TEX11: variants seen among roughly 807,000 people sequenced by gnomAD.
TEX11 encodes the protein testis-expressed protein 11.
TEX11 carries 7 observed loss-of-function variants against 84.4 expected under a neutral mutation model. The ratio of observed to expected loss-of-function variants is 0.08; its 90% CI spans 0.05 to 0.16. TEX11 has a LOEUF of 0.16. Among genes scored for constraint, TEX11 ranks in the 10% least tolerant of loss-of-function variants. The pLI is 1.00. For synonymous variants in TEX11, 264 were observed against 222.8 expected, an observed-to-expected ratio of 1.18 and a Z score of -1.64; for missense variants, 551 against 660.5, an observed-to-expected ratio of 0.83 and a Z score of 1.82.
chrX:70,533,978 G>C (rs934362459), intron 28 of TEX11, among the ~76,000 whole-genome samples: 3 of 106,285 alleles, frequency 2.8e-5, no homozygotes, highest in African/African-American at 1.0e-4. Context: ...TGTAGTCCCA[G>C]CTACTGGGGA....
chrX:70,534,518 G>A (rs1218877301), intron 28 of TEX11, among the ~76,000 whole-genome samples: 1 of 111,961 alleles, frequency 8.9e-6, no homozygotes, highest in Non-Finnish European at 1.9e-5. Flanking sequence ...CATCCACACA[G>A]CTACTGACCT....
intron 7 of TEX11, among the ~76,000 whole-genome samples, chrX:70,843,995 G>A (rs1327284173): frequency 7.2e-5 from 8 of 110,986 alleles, no homozygotes; most frequent in Non-Finnish European, 1.1e-4. Context: ...AAATAGGAAT[G>A]CTTTTACACT....
chrX:70,859,580 C>CAAAAAAAAAAAAAAAAA (rs760041212), intron 5 of TEX11, among the ~76,000 whole-genome samples: 1 of 35,057 alleles, frequency 2.9e-5, no homozygotes. Flanking sequence ...AGATCCTGTC[C>CAAAAAAAAAAAAAAAAA]AAAAAAAAAA....
chrX:70,632,545 G>A (rs2089523041), intron 17 of TEX11, among the ~76,000 whole-genome samples: 1 of 110,690 alleles, frequency 9.0e-6, no homozygotes, highest in South Asian at 3.9e-4. Context: ...GGAGGCCAAG[G>A]CTGTAGTGAG....
intron 10 of TEX11, among the ~76,000 whole-genome samples, chrX:70,743,059 T>C (rs1245584159): frequency 9.0e-6 from 1 of 111,717 alleles, no homozygotes; most frequent in Non-Finnish European, 1.9e-5. Flanking sequence ...CCCCTCTCCC[T>C]ACCCCCTAAA....
At chrX:70,570,069 C>T (rs1385232086) in intron 25 of TEX11, among the ~76,000 whole-genome samples, 1 of 112,173 alleles carries the variant, frequency 8.9e-6, no homozygotes, top group Non-Finnish European at 1.9e-5. Context: ...CCAGTTCAAG[C>T]TTCCAGGCTG....
chrX:70,633,287 T>G (rs1489740507), intron 17 of TEX11, among the ~76,000 whole-genome samples: 1 of 111,981 alleles, frequency 8.9e-6, no homozygotes, highest in Non-Finnish European at 1.9e-5. Flanking sequence ...CTGACTATAT[T>G]AACAATTTTT....
chrX:70,847,153 C>T (rs984318352), intron 7 of TEX11, among the ~76,000 whole-genome samples: 2 of 111,379 alleles, frequency 1.8e-5, no homozygotes, highest in Admixed American at 1.9e-4. Context: ...GACATGCCTG[C>T]TCCCCTTCGA....
intron 17 of TEX11, among the ~76,000 whole-genome samples, chrX:70,630,243 C>T (rs745836885): frequency 9.6e-6 from 1 of 103,963 alleles, no homozygotes; most frequent in East Asian, 3.1e-4. Context: ...ACCCGGGAGG[C>T]GGAGCTTGCA....
intron 1 of TEX11, among the ~76,000 whole-genome samples, chrX:70,908,295 TC>T (rs757019455): frequency 1.8e-5 from 2 of 110,512 alleles, no homozygotes; most frequent in Non-Finnish European, 3.8e-5. Flanking sequence ...CCACCACAAC[TC>T]CCCATACTCC....
intron 5 of TEX11, among the ~76,000 whole-genome samples, chrX:70,856,141 T>G (rs1009626434): frequency 6.3e-5 from 7 of 111,840 alleles, no homozygotes; most frequent in Non-Finnish European, 1.3e-4. Flanking sequence ...CAAGGGAGGC[T>G]GGTTGAACAT....
At chrX:70,541,631 G>T (rs764388730) in intron 28 of TEX11, among the ~76,000 whole-genome samples, 1 of 111,446 alleles carries the variant, frequency 9.0e-6, no homozygotes, top group Non-Finnish European at 1.9e-5. Flanking sequence ...GGTGGCATTT[G>T]CCTGTAGTCC....
chrX:70,756,071 G>A (rs1294044039), intron 9 of TEX11, among the ~76,000 whole-genome samples: 1 of 112,103 alleles, frequency 8.9e-6, no homozygotes, highest in Admixed American at 9.4e-5. Context: ...GGCTTGAGTA[G>A]GCGGTTTTGT....
chrX:70,792,315 AATATATATAT>A (rs1556087562), intron 9 of TEX11, among the ~76,000 whole-genome samples: 4 of 14,914 alleles, frequency 2.7e-4, no homozygotes, highest in Non-Finnish European at 3.1e-4. Context: ...AAAAAAAAAA[AATATATATAT>A]ATATATATAT....
intron 2 of TEX11, among the ~76,000 whole-genome samples, chrX:70,885,692 G>A (rs1394571176): frequency 9.1e-6 from 1 of 110,349 alleles, no homozygotes; most frequent in East Asian, 2.8e-4. Flanking sequence ...AGGAGTTCGA[G>A]ACCAGCCTGA....
chrX:70,646,493 C>T (rs771203867), intron 17 of TEX11, among the ~76,000 whole-genome samples: 2 of 111,731 alleles, frequency 1.8e-5, no homozygotes, highest in Non-Finnish European at 3.8e-5. Flanking sequence ...AAGGGGTTAA[C>T]ATCCAAAATA....
At chrX:70,586,478 A>G (rs1259106240) in intron 25 of TEX11, among the ~76,000 whole-genome samples, 17 of 112,037 alleles carry the variant, frequency 1.5e-4, no homozygotes, top group African/African-American at 5.5e-4. Context: ...ACACCAAAAA[A>G]CAACCCAATT....
At chrX:70,621,389 C>T (rs1400888116) in intron 20 of TEX11, among the ~76,000 whole-genome samples, 2 of 101,805 alleles carry the variant, frequency 2.0e-5, no homozygotes, top group African/African-American at 3.6e-5. Flanking sequence ...GGTGTGGTGG[C>T]GGATGCCTGT....
At chrX:70,672,006 C>T (rs1183248462) in intron 15 of TEX11, among the ~76,000 whole-genome samples, 1 of 106,118 alleles carries the variant, frequency 9.4e-6, no homozygotes, top group African/African-American at 3.4e-5. Flanking sequence ...CCAGTTCATT[C>T]TGGTCTCTCA....
Sources: allele counts gnomAD v4.1 joint callset (sites outside exome capture counted in the v4.1 genomes callset), GRCh38; gene constraint gnomAD v4.1.1; transcripts MANE v1.5; gene names NCBI Gene and HGNC (gene_info 2026-07-23, HGNC 2026-07-21).